Variants in PAK1 observed in about 807,000 individuals in gnomAD.
PAK1 encodes the protein p21 (RAC1) activated kinase 1.
In PAK1, 29 loss-of-function variants were observed where a neutral mutation model predicts 67.4. The ratio of observed to expected loss-of-function variants is 0.43; its 90% CI spans 0.32 to 0.59. PAK1 has a LOEUF of 0.59. Among genes scored for constraint, PAK1 ranks in the 20% least tolerant of loss-of-function variants. The pLI is 0.07. For missense variants in PAK1, 337 were observed against 670.7 expected (o/e 0.50, Z 5.50); for synonymous variants, 223 against 237.4 (o/e 0.94, Z 0.56).
chr11:77,419,241 G>A (rs188120570), intron 1 of PAK1, among the ~76,000 whole-genome samples: 2 of 152,338 alleles, frequency 1.3e-5, no homozygotes, highest in South Asian at 2.1e-4. Flanking sequence ...AGATGACTCT[G>A]TACATTCAAA....
intron 13 of PAK1, among the ~76,000 whole-genome samples, chr11:77,335,577 C>A (rs887956670): frequency 1.8e-4 from 27 of 152,124 alleles, no homozygotes; most frequent in Admixed American, 1.6e-3. Context: ...ACCAAGACAC[C>A]ACCACTCTGA....
At chr11:77,407,829 A>AAC (rs1454933248) in intron 1 of PAK1, among the ~76,000 whole-genome samples, 5 of 152,226 alleles carry the variant, frequency 3.3e-5, no homozygotes, top group African/African-American at 1.2e-4. Context: ...GCCAGAAGTT[A>AAC]ACAGGGACGA....
chr11:77,460,322 G>GTTTTTTTTTTTT (rs1565718723), intron 1 of PAK1, among the ~76,000 whole-genome samples: 1 of 114,146 alleles, frequency 8.8e-6, no homozygotes, highest in Non-Finnish European at 2.0e-5. Flanking sequence ...TTTTTTGTTT[G>GTTTTTTTTTTTT]CTTTTTTTTT....
intron 8 of PAK1, among the ~76,000 whole-genome samples, chr11:77,351,027 A>G (rs1945164373): frequency 6.6e-6 from 1 of 152,194 alleles, no homozygotes; most frequent in Non-Finnish European, 1.5e-5. Context: ...ACCTATTTCT[A>G]ACTTGAATAG....
rs1042735732 is a variant in PAK1 at position 77,392,263 on chromosome 11, T to C, written c.190+68A>G. 1.6e-5 allele frequency: 18 copies of C among 1,098,122 alleles called. No homozygotes were observed. In the African/African-American group the frequency reaches 2.9e-4, roughly 17 times the overall value. The allele number at this position is 1,098,122 out of a possible 1,614,324, so 68.0% of individuals were successfully genotyped here. On this transcript the variant is annotated intron_variant, in intron 2 of 14. Transcript: ENST00000356341. ...AATTAAGTCAAAGACAACAGATCTT[T>C]TATCCAGGTTACCCAAAATAATTTT...
At chr11:77,476,738 A>G (rs1051882143), upstream of PAK1, 1 of 152,242 alleles carries the variant, frequency 6.6e-6, no homozygotes, top group African/African-American at 2.4e-5. Context: ...TAATCCCAGC[A>G]CTTTGGGAGG....
At chr11:77,329,775 T>G (rs577013503) in intron 14 of PAK1, among the ~76,000 whole-genome samples, 2 of 152,196 alleles carry the variant, frequency 1.3e-5, no homozygotes, top group Admixed American at 6.5e-5. Flanking sequence ...TGTTGGAAGT[T>G]CTGGCCAGGG....
chr11:77,467,755 T>A (rs1957664997), intron 1 of PAK1, among the ~76,000 whole-genome samples: 1 of 152,232 alleles, frequency 6.6e-6, no homozygotes, highest in Non-Finnish European at 1.5e-5. Context: ...TTTACATATA[T>A]TATTAATCTT....
chr11:77,520,013 C>T, the PAK1 span, among the ~76,000 whole-genome samples: 915 of 152,288 alleles, frequency 6.0e-3, 7 homozygotes, highest in African/African-American at 0.02. Context: ...CCCCCCCCTC[C>T]GCCCGTGGCT....
Position 77,349,269 on chromosome 11 carries a change from GTACA to G in PAK1, c.851_854del (p.Val284AlafsTer17), listed in dbSNP as rs922156920. The G allele has an allele frequency of 6.2e-7, 1 of 1,600,844 alleles. No individual in the cohort carries two copies. Among genetic ancestry groups the G allele is most frequent in the Non-Finnish European group, 8.5e-7 (1 of 1,173,104 alleles). ...GTCCTGTGGCCACATCCATTGCTGTGTACACGGTGCCTGAAGCACTGAACAGTAA... is the reference window on the plus strand; with the variant it reads ...GTCCTGTGGCCACATCCATTGCTGTGCGGTGCCTGAAGCACTGAACAGTAA... On this transcript the variant is annotated frameshift_variant, in exon 9 of 15. Coordinates refer to ENST00000356341, the MANE Select transcript of PAK1 (RefSeq NM_002576.5). LOFTEE classifies it high-confidence loss of function.
chr11:77,358,293 A>G (rs1946315282), intron 6 of PAK1, among the ~76,000 whole-genome samples: 1 of 152,118 alleles, frequency 6.6e-6, no homozygotes, highest in South Asian at 2.1e-4. Context: ...CAAATTAAGT[A>G]AAAGGCACAG....
Position 77,340,674 on chromosome 11 carries a change from T to G in PAK1, c.1088A>C (p.Glu363Ala). 6.2e-7 allele frequency: 1 copy of G among 1,606,744 alleles called. No homozygotes were observed. The change falls in exon 11 of 15, where the codon GAA (glutamate) becomes GCA (alanine). Residue 363 changes from glutamate to alanine, a missense_variant. Physicochemically the swap from Glu to Ala is moderately radical, Grantham distance 107. Around this residue, in one of 8 missense-constraint regions of PAK1, gnomAD observed 25 missense variants for 47.6 expected, o/e 0.53. Transcript: ENST00000356341. ...TDVVTETCMD[E>A]GQIAAVCREC... ...ACGGCACACAGCTGCAATTTGGCCT[T>G]CATCCATGCAAGTTTCTGTCACCAC...
chr11:77,325,223 C>CT lies in PAK1; in HGVS notation c.1552-1864dup, dbSNP rs1939498559. On this transcript the variant is annotated intron_variant, in intron 14 of 14. Transcript: ENST00000356341. ...ATAAACAAAACAGACTAGATGAGCC[C>CT]TAAGGGCTTCCAGTTGTGATACTCT... The CT allele has an allele frequency of 2.8e-6, 4 of 1,416,556 alleles. No homozygotes were observed. In the Admixed American group the frequency reaches 7.8e-5, roughly 28 times the overall value. The allele number at this position is 1,416,556 out of a possible 1,614,324, so 87.7% of individuals were successfully genotyped here. A position where few individuals can be genotyped will look rare whatever the true frequency, so the allele number is the denominator to read the frequency against.
At chr11:77,510,206 C>T in the PAK1 span, among the ~76,000 whole-genome samples, 3 of 152,132 alleles carry the variant, frequency 2.0e-5, no homozygotes, top group Non-Finnish European at 2.9e-5. Flanking sequence ...GATATTAAGA[C>T]GTGTACTTTG....
the PAK1 span, among the ~76,000 whole-genome samples, chr11:77,494,654 T>C: frequency 3.3e-5 from 5 of 150,998 alleles, no homozygotes; most frequent in Non-Finnish European, 7.4e-5. Context: ...ACTGGAATCC[T>C]TGTCCACTGT....
chr11:77,430,560 C>T (rs1471924147), intron 1 of PAK1, among the ~76,000 whole-genome samples: 5 of 152,184 alleles, frequency 3.3e-5, no homozygotes, highest in African/African-American at 1.2e-4. Context: ...GTGACCCACA[C>T]TATCAAGACC....
At position 77,350,964 on chromosome 11, in the gene PAK1, A is replaced by G. The variant is rs189433361; in HGVS notation, c.837-1677T>C. Reference sequence around the variant, plus strand: ...GACAAACATGCCCAAGCCTCAGGGGACTGTCTCCATGATTACAAAGTTGTA... The same window carrying G: ...GACAAACATGCCCAAGCCTCAGGGGGCTGTCTCCATGATTACAAAGTTGTA... On this transcript the variant is annotated intron_variant, in intron 8 of 14. Coordinates refer to ENST00000356341, the MANE Select transcript of PAK1 (RefSeq NM_002576.5). Among the ~76,000 whole-genome samples the G allele has an allele frequency of 8.1e-4, 123 of 152,220 alleles. 1 individual carries two copies. Among genetic ancestry groups the G allele is most frequent in the Middle Eastern group, 3.4e-3 (1 of 294 alleles).
chr11:77,463,933 AT>A (rs1362730440), intron 1 of PAK1, among the ~76,000 whole-genome samples: 1 of 152,162 alleles, frequency 6.6e-6, no homozygotes, highest in African/African-American at 2.4e-5. Context: ...GTAATCTCAA[AT>A]TTTCTAGTAG....
chr11:77,529,107 C>T, the PAK1 span, among the ~76,000 whole-genome samples: 49,509 of 151,838 alleles, frequency 0.33, 8,455 homozygotes, highest in East Asian at 0.45. Context: ...TTTTTAATCC[C>T]GCAAGACAGG....
Sources: allele counts gnomAD v4.1 joint callset (sites outside exome capture counted in the v4.1 genomes callset), GRCh38; gene constraint gnomAD v4.1.1; regional missense constraint gnomAD v4.1.1; transcripts MANE v1.5; gene names NCBI Gene and HGNC (gene_info 2026-07-23, HGNC 2026-07-21).